The following APPL2 variants were observed in gnomAD, a reference collection of about 807,000 sequenced individuals.
APPL2 encodes the protein DCC-interacting protein 13-beta.
In APPL2, 84 loss-of-function variants were observed where a neutral mutation model predicts 92.7. That is an observed-to-expected ratio of 0.91 (90% confidence interval 0.76 to 1.09). APPL2 has a LOEUF of 1.09. Ranked by LOEUF, APPL2 falls within the 50% of genes least tolerant of loss-of-function variation. The pLI is 0.00. For missense variants in APPL2, 736 were observed against 824.5 expected, an observed-to-expected ratio of 0.89 and a Z score of 1.31; for synonymous variants, 291 against 291.0, an observed-to-expected ratio of 1.00 and a Z score of 0.00.
intron 2 of APPL2, among the ~76,000 whole-genome samples, chr12:105,220,100 T>C (rs1440513246): frequency 2.0e-5 from 3 of 152,216 alleles, no homozygotes; most frequent in Admixed American, 6.5e-5. Context: ...TGTGCAAGGA[T>C]ACACGGCTGA....
At chr12:105,231,577 A>T (rs1890922044) in intron 1 of APPL2, among the ~76,000 whole-genome samples, 1 of 152,228 alleles carries the variant, frequency 6.6e-6, no homozygotes, top group Admixed American at 6.5e-5. Flanking sequence ...GGTCGGCAGC[A>T]CTGAGGTCAC....
At chr12:105,180,530 G>C (rs910293658) in intron 17 of APPL2, among the ~76,000 whole-genome samples, 3 of 152,192 alleles carry the variant, frequency 2.0e-5, no homozygotes, top group Non-Finnish European at 4.4e-5. Flanking sequence ...GTGGTAGCTT[G>C]ATGGGAATAG....
At chr12:105,174,511 G>GA in intron 20 of APPL2, 63 bp from the exon 21 acceptor site, 1 of 1,540,538 alleles carries the variant, frequency 6.5e-7, no homozygotes, top group Non-Finnish European at 8.7e-7. Context: ...AAACCCCTTT[G>GA]GCCTGGCTTT....
intron 2 of APPL2, among the ~76,000 whole-genome samples, chr12:105,223,643 A>G (rs1890288095): frequency 6.6e-6 from 1 of 152,244 alleles, no homozygotes; most frequent in Non-Finnish European, 1.5e-5. Context: ...TGAGGAACAA[A>G]TATCAGATGT....
rs1266606077 is a variant in APPL2 at position 105,211,231 on chromosome 12, T to C, written c.372A>G (p.Thr124=). The C allele has an allele frequency of 6.2e-7, 1 of 1,609,482 alleles. No individual in the cohort carries two copies. The highest frequency in any genetic ancestry group is 1.3e-5 in the African/African-American group (1 of 74,966). ...PIIQFREKDL[T]EVSTLKDLFG... is the part of the protein sequence containing the mutation. ...TGGCATTGAACTCAGTTACTTTACC[T>C]GTGAGATCCTTTTCTCGGAATTGTA... The change falls in exon 5 of 21, where the codon ACA becomes ACG. Residue 124 remains threonine, a splice_region_variant and synonymous_variant. Transcript: ENST00000258530.
chr12:105,174,297 C>G lies in APPL2; in HGVS notation c.*17G>C, dbSNP rs1048489648. 8 of 1,612,370 alleles carry G rather than the reference C, an allele frequency of 5.0e-6. No individual in the cohort carries two copies. Among genetic ancestry groups the G allele is most frequent in the Non-Finnish European group, 5.9e-6 (7 of 1,179,262 alleles). On this transcript the variant is annotated 3_prime_UTR_variant, in exon 21 of 21. Transcript: ENST00000258530. Reference sequence around the variant, plus strand: ...GCTCTCCTTCCTGTTTGCTCTTCCCCCACAGGCGCAAGTGAGTTATGCTTC... The same window carrying G: ...GCTCTCCTTCCTGTTTGCTCTTCCCGCACAGGCGCAAGTGAGTTATGCTTC...
At chr12:105,207,248 T>C (rs766351339) in intron 7 of APPL2, 41 bp from the exon 8 acceptor site, 17 of 1,577,146 alleles carry the variant, frequency 1.1e-5, no homozygotes, top group Non-Finnish European at 1.5e-5. Flanking sequence ...TTGTCTACTG[T>C]ACGTGACAAT....
chr12:105,220,996 T>C (rs1890057256), intron 2 of APPL2, among the ~76,000 whole-genome samples: 1 of 152,236 alleles, frequency 6.6e-6, no homozygotes, highest in African/African-American at 2.4e-5. Context: ...TATGAGTTCA[T>C]CGGAAACCAA....
At chr12:105,176,611 AT>A (rs1885567739) in intron 19 of APPL2, among the ~76,000 whole-genome samples, 1 of 152,150 alleles carries the variant, frequency 6.6e-6, no homozygotes, top group African/African-American at 2.4e-5. Context: ...TGCTTTCAAC[AT>A]TTCCTTATAT....
intron 4 of APPL2, among the ~76,000 whole-genome samples, chr12:105,214,785 A>G (rs1342385314): frequency 6.6e-6 from 1 of 152,172 alleles, no homozygotes; most frequent in Non-Finnish European, 1.5e-5. Context: ...GGGGCTGGTC[A>G]CCAGAAACAC....
At chr12:105,229,436 T>C (rs969504146) in intron 1 of APPL2, among the ~76,000 whole-genome samples, 1 of 152,200 alleles carries the variant, frequency 6.6e-6, no homozygotes, top group African/African-American at 2.4e-5. Flanking sequence ...TAGACTACAG[T>C]GTCAGGGCAA....
At position 105,236,087 on chromosome 12, in the gene APPL2, C is replaced by A. The variant is rs1196785; in HGVS notation, c.-75G>T. On this transcript the variant is annotated 5_prime_UTR_variant, in exon 1 of 21. Transcript: ENST00000258530. ...AGACGCGGCGGCCGAGAGCACTCCC[C>A]GGCTCTGGGCTCAGGCGACGCGGCG... 1.8e-6 allele frequency: 2 copies of A among 1,107,636 alleles called. No homozygotes were observed. The highest frequency in any genetic ancestry group is 1.6e-5 in the African/African-American group (1 of 61,020). 68.6% of individuals were successfully genotyped at this position (1,107,636 alleles called of 1,614,324 possible).
chr12:105,185,481 C>T (rs1302173350), intron 17 of APPL2, among the ~76,000 whole-genome samples: 1 of 152,062 alleles, frequency 6.6e-6, no homozygotes, highest in Non-Finnish European at 1.5e-5. Flanking sequence ...TCACTCACGG[C>T]TTCCCTTGGC....
At chr12:105,197,677 C>G (rs74728310) in intron 11 of APPL2, 88 bp downstream of exon 11, 18 of 1,513,186 alleles carry the variant, frequency 1.2e-5, no homozygotes, top group Non-Finnish European at 1.6e-5. Context: ...CCACAGAGGG[C>G]TGGCACATAG....
chr12:105,229,753 C>T, intron 1 of APPL2: 1 of 988,328 alleles, frequency 1.0e-6, no homozygotes, highest in Non-Finnish European at 1.2e-6. Flanking sequence ...TCTTATGGTA[C>T]TACGATTTCC....
At chr12:105,220,248 T>C (rs540595869) in intron 2 of APPL2, among the ~76,000 whole-genome samples, 1 of 152,316 alleles carries the variant, frequency 6.6e-6, no homozygotes, top group African/African-American at 2.4e-5. Context: ...GGGCAAACTT[T>C]TTCTGTAAGG....
intron 1 of APPL2, among the ~76,000 whole-genome samples, chr12:105,232,553 C>A (rs1360423867): frequency 6.6e-6 from 1 of 151,872 alleles, no homozygotes; most frequent in Non-Finnish European, 1.5e-5. Flanking sequence ...TTGGTTGAGC[C>A]CAGGAGTTCA....
At chr12:105,225,216 AG>A (rs1383875488) in intron 2 of APPL2, among the ~76,000 whole-genome samples, 2 of 152,040 alleles carry the variant, frequency 1.3e-5, no homozygotes, top group Non-Finnish European at 2.9e-5. Context: ...GCAACTACAG[AG>A]GTTTGTCATC....
intron 2 of APPL2, among the ~76,000 whole-genome samples, chr12:105,228,494 AAT>A (rs1890688477): frequency 6.6e-6 from 1 of 152,242 alleles, no homozygotes; most frequent in Admixed American, 6.5e-5. Context: ...CAGTTACCAT[AAT>A]ATTGTGATGT....
Sources: allele counts gnomAD v4.1 joint callset (sites outside exome capture counted in the v4.1 genomes callset), GRCh38; gene constraint gnomAD v4.1.1; transcripts MANE v1.5; gene names NCBI Gene and HGNC (gene_info 2026-07-23, HGNC 2026-07-21).